DHRSX: variants seen among roughly 807,000 people sequenced by gnomAD.
DHRSX encodes the protein polyprenol dehydrogenase.
Under a neutral mutation model 34.0 loss-of-function variants are expected in DHRSX, and 31 were observed. The ratio of observed to expected loss-of-function variants is 0.91; its 90% CI spans 0.69 to 1.23. DHRSX has a LOEUF of 1.23. DHRSX is among the 50% of genes most tolerant of loss of function. DHRSX has a pLI of 0.00. For missense variants in DHRSX, 414 were observed against 428.1 expected (o/e 0.97, Z 0.29); for synonymous variants, 201 against 183.8 (o/e 1.09, Z -0.76).
chrX:2,392,972 A>T (rs1350602257), intron 3 of DHRSX, among the ~76,000 whole-genome samples: 1 of 143,496 alleles, frequency 7.0e-6, no homozygotes, highest in East Asian at 2.0e-4. Context: ...TATATTACAA[A>T]TATATGTTAC....
chrX:2,243,024 T>A lies in DHRSX; in HGVS notation c.803A>T (p.Lys268Met). The change falls in exon 6 of 7, where the codon AAG becomes ATG. Residue 268 changes from lysine (K) to methionine (M), a missense_variant and splice_region_variant. Coordinates refer to ENST00000334651, the MANE Select transcript of DHRSX (RefSeq NM_145177.3). ...AKKLLGWLLF[K>M]TPDEGAWTSI... ...ATCAGAGAAGCAGAAGGGGCTTACC[T>A]TGAAAAGCAACCAGCCGAGAAGCTT... 1 of 1,613,190 alleles carries A rather than the reference T, an allele frequency of 6.2e-7. No homozygotes were observed. Among genetic ancestry groups the A allele is most frequent in the Non-Finnish European group, 8.5e-7 (1 of 1,179,360 alleles).
At chrX:2,272,066 T>C (rs747004547) in intron 4 of DHRSX, among the ~76,000 whole-genome samples, 15 of 151,726 alleles carry the variant, frequency 9.9e-5, no homozygotes, top group Non-Finnish European at 2.2e-4. Flanking sequence ...TGCACCTGTC[T>C]GTTTCTTGCA....
intron 1 of DHRSX, among the ~76,000 whole-genome samples, chrX:2,432,878 CTT>C (rs775543938): frequency 6.6e-6 from 1 of 152,172 alleles, no homozygotes; most frequent in African/African-American, 2.4e-5. Flanking sequence ...AATCCCAGCA[CTT>C]TGAGGGCTGA....
intron 1 of DHRSX, among the ~76,000 whole-genome samples, chrX:2,426,670 C>A (rs2043853575): frequency 1.5e-5 from 2 of 136,244 alleles, no homozygotes; most frequent in African/African-American, 2.8e-5. Flanking sequence ...TCTTCTTTTC[C>A]TTTTTCCTTC....
intron 3 of DHRSX, among the ~76,000 whole-genome samples, chrX:2,337,524 G>C (rs1226210744): frequency 2.6e-5 from 4 of 151,986 alleles, no homozygotes; most frequent in Non-Finnish European, 5.9e-5. Flanking sequence ...GAACTTCAAG[G>C]ATGCGAATTT....
In DHRSX at chrX:2,350,306, A is replaced by C. The variant is rs761077786; in HGVS notation, c.286+58439T>G. Among the ~76,000 whole-genome samples, 384 of 151,690 alleles carry C rather than the reference A, an allele frequency of 2.5e-3. 4 individuals carry two copies. Among genetic ancestry groups the C allele is most frequent in the African/African-American group, 8.7e-3 (362 of 41,422 alleles). On this transcript the variant is annotated intron_variant, in intron 3 of 6. Coordinates refer to ENST00000334651, the MANE Select transcript of DHRSX (RefSeq NM_145177.3). ...GCGGAGGTTGCAGTGAGCCGAGATCACGCCACTGCACTGCAGCCTGGGTGA... is the reference window on the plus strand; with the variant it reads ...GCGGAGGTTGCAGTGAGCCGAGATCCCGCCACTGCACTGCAGCCTGGGTGA...
intron 3 of DHRSX, among the ~76,000 whole-genome samples, chrX:2,402,075 G>A (rs984926622): frequency 3.9e-5 from 6 of 152,184 alleles, no homozygotes; most frequent in African/African-American, 1.2e-4. Flanking sequence ...TTGAGAGCAG[G>A]AAAGGCAGGA....
intron 1 of DHRSX, among the ~76,000 whole-genome samples, chrX:2,452,792 C>T (rs1288418046): frequency 6.6e-6 from 1 of 152,182 alleles, no homozygotes; most frequent in African/African-American, 2.4e-5. Flanking sequence ...GGCCAAGGGA[C>T]CACCACCTTG....
chrX:2,307,070 A>G (rs1357670726), intron 3 of DHRSX, among the ~76,000 whole-genome samples: 1 of 152,090 alleles, frequency 6.6e-6, no homozygotes, highest in Non-Finnish European at 1.5e-5. Flanking sequence ...GTGTCCATCA[A>G]TTATGTGTTG....
chrX:2,466,132 T>C (rs2044491932), intron 1 of DHRSX, among the ~76,000 whole-genome samples: 1 of 152,148 alleles, frequency 6.6e-6, no homozygotes. Flanking sequence ...TGGAATACTA[T>C]GGACCCATGA....
intron 1 of DHRSX, among the ~76,000 whole-genome samples, chrX:2,482,992 T>C (rs1283026476): frequency 6.6e-6 from 1 of 152,130 alleles, no homozygotes; most frequent in Admixed American, 6.5e-5. Context: ...CCCTCTAAGA[T>C]AACGCACAAC....
chrX:2,299,461 C>T (rs1002120790), intron 3 of DHRSX, among the ~76,000 whole-genome samples: 3 of 152,128 alleles, frequency 2.0e-5, no homozygotes, highest in African/African-American at 7.2e-5. Flanking sequence ...GAAAGTGAGT[C>T]TACAATTCTC....
intron 5 of DHRSX, among the ~76,000 whole-genome samples, chrX:2,260,734 G>A (rs904089358): frequency 5.3e-5 from 8 of 152,046 alleles, no homozygotes; most frequent in African/African-American, 1.9e-4. Context: ...GTGCTGGGAT[G>A]ACAGGCATGA....
At chrX:2,452,947 A>G (rs1428502014) in intron 1 of DHRSX, among the ~76,000 whole-genome samples, 1 of 152,206 alleles carries the variant, frequency 6.6e-6, no homozygotes, top group Non-Finnish European at 1.5e-5. Context: ...AGCACTACTC[A>G]GTTTCCAAGA....
intron 6 of DHRSX, among the ~76,000 whole-genome samples, chrX:2,238,266 G>A (rs1051992085): frequency 6.6e-6 from 1 of 152,106 alleles, no homozygotes; most frequent in Non-Finnish European, 1.5e-5. Context: ...TGGAGGTGGG[G>A]TGATCGTTTC....
chrX:2,376,517 A>G lies in DHRSX; in HGVS notation c.286+32228T>C, dbSNP rs896682300. Reference sequence around the variant, plus strand: ...CTTGGGTGACGTGGGTTTAACTGTGACCTCACCAAGATGTGTCCACCCAGA... The same window carrying G: ...CTTGGGTGACGTGGGTTTAACTGTGGCCTCACCAAGATGTGTCCACCCAGA... On this transcript the variant is annotated intron_variant, in intron 3 of 6. Coordinates refer to ENST00000334651, the MANE Select transcript of DHRSX (RefSeq NM_145177.3). Among the ~76,000 whole-genome samples the G allele has an allele frequency of 6.6e-5, 9 of 137,052 alleles. 1 individual carries two copies. In the Admixed American group the frequency reaches 6.6e-4, roughly 10 times the overall value. 89.9% of individuals were successfully genotyped at this position (137,052 alleles called of 152,430 possible).
At chrX:2,497,293 T>C (rs2045309192) in intron 1 of DHRSX, among the ~76,000 whole-genome samples, 1 of 152,122 alleles carries the variant, frequency 6.6e-6, no homozygotes, top group Admixed American at 6.6e-5. Flanking sequence ...CTCGGGAGGC[T>C]GAGGCAGGAG....
chrX:2,402,447 A>G (rs1230683610), intron 3 of DHRSX, among the ~76,000 whole-genome samples: 1 of 152,244 alleles, frequency 6.6e-6, no homozygotes, highest in African/African-American at 2.4e-5. Flanking sequence ...GTGGTCGTCC[A>G]TAAGATGTTG....
At chrX:2,237,164 C>A (rs1161499173) in intron 6 of DHRSX, among the ~76,000 whole-genome samples, 15 of 152,002 alleles carry the variant, frequency 9.9e-5, no homozygotes, top group African/African-American at 3.6e-4. Context: ...CCAGCCTGGG[C>A]AACAGAGAGA....
Sources: gnomAD v4.1 joint callset for allele counts (sites outside exome capture counted in the v4.1 genomes callset) on GRCh38, gnomAD v4.1.1 for gene constraint, MANE v1.5 for transcripts, NCBI Gene and HGNC (gene_info 2026-07-23, HGNC 2026-07-21) for gene names.